SELENOF: variants seen among roughly 807,000 people sequenced by gnomAD.
The protein encoded by SELENOF is 15 kDa selenoprotein.
Under a neutral mutation model 20.5 loss-of-function variants are expected in SELENOF, and 16 were observed. That is an observed-to-expected ratio of 0.78 (90% CI 0.53 to 1.19). SELENOF has a LOEUF of 1.19. Ranked by LOEUF, SELENOF falls within the 50% of genes most tolerant of loss-of-function variation. The pLI is 0.00. For synonymous variants in SELENOF, 78 were observed against 74.5 expected (o/e 1.05, Z -0.24); for missense variants, 215 against 194.2 (o/e 1.11, Z -0.64).
intron 3 of SELENOF, among the ~76,000 whole-genome samples, chr1:86,870,015 C>T (rs1218476740): frequency 6.6e-6 from 1 of 152,106 alleles, no homozygotes; most frequent in Non-Finnish European, 1.5e-5. Context: ...CCTTGTGATC[C>T]GCCTGCCTTG....
intron 2 of SELENOF, among the ~76,000 whole-genome samples, chr1:86,887,379 T>C (rs2102098549): frequency 6.6e-6 from 1 of 152,300 alleles, no homozygotes; most frequent in South Asian, 2.1e-4. Flanking sequence ...TTAAAACTTA[T>C]TTTACTATAC....
At chr1:86,873,150 G>T (rs929092526) in intron 3 of SELENOF, among the ~76,000 whole-genome samples, 1 of 151,858 alleles carries the variant, frequency 6.6e-6, no homozygotes, top group African/African-American at 2.4e-5. Flanking sequence ...CCAGCTACTT[G>T]GGAGACTAAG....
Position 86,900,557 on chromosome 1 carries a change from C to T in SELENOF, c.252+2724G>A, listed in dbSNP as rs907758633. Among the ~76,000 whole-genome samples, 16 of 151,866 alleles carry T rather than the reference C, an allele frequency of 1.1e-4. No individual in the cohort carries two copies. The East Asian group carries it at 1.2e-3, about 11-fold the overall frequency. ...GCAGCAGTACAGTCCAGCTTCGGCT[C>T]GGCATCAGAGGGAGACCGTGGAAAG... is the stretch of plus-strand genomic sequence containing the variant. On this transcript the variant is annotated intron_variant, in intron 2 of 4. Transcript: ENST00000331835.
intron 3 of SELENOF, among the ~76,000 whole-genome samples, chr1:86,869,566 T>C (rs1658700999): frequency 6.6e-6 from 1 of 152,184 alleles, no homozygotes. Flanking sequence ...TAGAGGCCTA[T>C]ACATGGGGCA....
Position 86,862,744 on chromosome 1 carries a change from A to G in SELENOF, c.*730T>C, listed in dbSNP as rs1658487143. The G allele has an allele frequency of 6.6e-6, 1 of 152,228 alleles. No individual in the cohort carries two copies. Among genetic ancestry groups the G allele is most frequent in the African/African-American group, 2.4e-5 (1 of 41,464 alleles). 9.4% of individuals were successfully genotyped at this position (152,228 alleles called of 1,614,324 possible). On this transcript the variant is annotated 3_prime_UTR_variant, in exon 5 of 5. Transcript: ENST00000331835. ...GATAGATTTTTGAAACTTTTTATTT[A>G]TATTTTGGTCTTACAAATGATCACT...
At chr1:86,914,511 CT>C (rs1226737108), upstream of SELENOF, 2 of 235,336 alleles carry the variant, frequency 8.5e-6, no homozygotes, top group Non-Finnish European at 1.7e-5. Flanking sequence ...AGCGCAGGGG[CT>C]CTTCCGTCCA....
chr1:86,891,002 G>C (rs1416387865), intron 2 of SELENOF, among the ~76,000 whole-genome samples: 1 of 150,942 alleles, frequency 6.6e-6, no homozygotes, highest in African/African-American at 2.4e-5. Context: ...CCAACAAACA[G>C]AATATCATAT....
At chr1:86,878,866 A>G (rs1423535370) in intron 3 of SELENOF, among the ~76,000 whole-genome samples, 1 of 152,238 alleles carries the variant, frequency 6.6e-6, no homozygotes, top group Non-Finnish European at 1.5e-5. Context: ...GGCTCAGAAA[A>G]TACTGGTATT....
intron 2 of SELENOF, among the ~76,000 whole-genome samples, chr1:86,902,558 CA>C (rs1164282833): frequency 3.3e-5 from 5 of 152,180 alleles, no homozygotes; most frequent in Admixed American, 2.0e-4. Context: ...AATATGCTAA[CA>C]TTTTTTTCTC....
chr1:86,908,652 G>A (rs889684024), intron 1 of SELENOF, among the ~76,000 whole-genome samples: 3 of 152,234 alleles, frequency 2.0e-5, no homozygotes, highest in East Asian at 1.9e-4. Flanking sequence ...GATCCGTAAG[G>A]CCCAGCGAGA....
chr1:86,868,660 G>C (rs527389550), intron 3 of SELENOF, among the ~76,000 whole-genome samples: 1 of 147,914 alleles, frequency 6.8e-6, no homozygotes, highest in African/African-American at 2.5e-5. Context: ...ACTGTTTATA[G>C]AAAAAAAAAA....
chr1:86,871,985 A>G (rs1057276715), intron 3 of SELENOF, among the ~76,000 whole-genome samples: 14 of 152,136 alleles, frequency 9.2e-5, no homozygotes, highest in African/African-American at 3.1e-4. Flanking sequence ...GGAGGAGGGC[A>G]GCTGGAATAT....
chr1:86,913,592 G>A (rs984150254), intron 1 of SELENOF, among the ~76,000 whole-genome samples: 1 of 152,202 alleles, frequency 6.6e-6, no homozygotes, highest in East Asian at 1.9e-4. Context: ...AAATGAGAGA[G>A]CACGCGCGCG....
intron 1 of SELENOF, 78 bp downstream of exon 1, chr1:86,913,950 G>C: frequency 1.5e-6 from 2 of 1,360,596 alleles, no homozygotes; most frequent in Non-Finnish European, 1.1e-6. Context: ...TTTTCAACCA[G>C]GACCGAATGT....
intron 1 of SELENOF, among the ~76,000 whole-genome samples, chr1:86,905,447 G>T (rs1031601315): frequency 1.3e-5 from 2 of 152,026 alleles, no homozygotes; most frequent in Non-Finnish European, 2.9e-5. Flanking sequence ...ATCAGTATTA[G>T]TCTTTTAGGA....
chr1:86,893,662 C>T (rs1399882732), intron 2 of SELENOF, among the ~76,000 whole-genome samples: 1 of 151,982 alleles, frequency 6.6e-6, no homozygotes, highest in Non-Finnish European at 1.5e-5. Context: ...AAATTAAACT[C>T]TCTCAACAAT....
chr1:86,890,302 C>G (rs1280468008), intron 2 of SELENOF, among the ~76,000 whole-genome samples: 1 of 152,098 alleles, frequency 6.6e-6, no homozygotes, highest in Admixed American at 6.5e-5. Flanking sequence ...TTTACCTGAC[C>G]TGCCAAGTGG....
chr1:86,881,202 G>A (rs1381738620), intron 2 of SELENOF, among the ~76,000 whole-genome samples: 1 of 151,892 alleles, frequency 6.6e-6, no homozygotes, highest in Non-Finnish European at 1.5e-5. Flanking sequence ...AGTACTATGT[G>A]GAGATATTAT....
At chr1:86,898,791 CATTTTT>C (rs923171314) in intron 2 of SELENOF, among the ~76,000 whole-genome samples, 15 of 150,802 alleles carry the variant, frequency 9.9e-5, no homozygotes, top group Non-Finnish European at 1.6e-4. Context: ...TTTTAATTTT[CATTTTT>C]ATTTTTATTG....
Sources: gnomAD v4.1 joint callset for allele counts (sites outside exome capture counted in the v4.1 genomes callset) on GRCh38, gnomAD v4.1.1 for gene constraint, MANE v1.5 for transcripts, NCBI Gene and HGNC (gene_info 2026-07-23, HGNC 2026-07-21) for gene names.